Variants in IQCF5 observed in about 807,000 individuals in gnomAD.
The protein encoded by IQCF5 is IQ domain-containing protein F5.
IQCF5 carries 2 observed loss-of-function variants against 3.4 expected under a neutral mutation model. The observed-to-expected ratio is 0.58, with a 90% confidence interval of 0.24 to 1.84. IQCF5 has a LOEUF of 1.84. Ranked by LOEUF, IQCF5 falls within the 40% of genes most tolerant of loss-of-function variation. IQCF5 has a pLI of 0.17. For missense variants in IQCF5, 167 were observed against 191.6 expected (o/e 0.87, Z 0.76); for synonymous variants, 58 against 64.7 (o/e 0.90, Z 0.49).
intron 1 of IQCF5, 52 bp from the exon 2 acceptor site, chr3:51,874,227 C>A: frequency 6.7e-7 from 1 of 1,503,276 alleles, no homozygotes; most frequent in East Asian, 2.5e-5. Flanking sequence ...GGGCCCTGAT[C>A]CTCTATCAAT....
intron 1 of IQCF5, chr3:51,874,817 C>G (rs1020766237): frequency 5.0e-6 from 1 of 198,082 alleles, no homozygotes; most frequent in African/African-American, 2.3e-5. Context: ...CTCCTGGCCA[C>G]AGTCTCCACT....
chr3:51,875,465 T>C, intron 1 of IQCF5, 63 bp downstream of exon 1: 2 of 1,543,656 alleles, frequency 1.3e-6, no homozygotes, highest in Non-Finnish European at 1.8e-6. Context: ...GACTGCCTCT[T>C]ACAAAACATC....
chr3:51,874,527 C>G (rs1377706897), intron 1 of IQCF5: 5 of 461,482 alleles, frequency 1.1e-5, no homozygotes, highest in Admixed American at 9.7e-5. Flanking sequence ...GCCCTCCCAT[C>G]CGCTGAAGAA....
rs1484951021 is a variant in IQCF5 at position 51,875,535 on chromosome 3, TA to T, written c.-5del. The T allele has an allele frequency of 3.9e-6, 6 of 1,552,026 alleles. No homozygotes were observed. The highest frequency in any genetic ancestry group is 5.2e-6 in the Non-Finnish European group (6 of 1,147,110). On this transcript the variant is annotated 5_prime_UTR_variant, in exon 1 of 2. The change abolishes the stop of an existing upstream ORF in the 5' untranslated region. Transcript: ENST00000446461. Reference sequence around the variant, plus strand: ...TGGACTTTACTAAATTACCCATGGTTAGGGGCTAGATGGTCCCATCACCCTC... The same window carrying T: ...TGGACTTTACTAAATTACCCATGGTTGGGGCTAGATGGTCCCATCACCCTC...
Position 51,873,880 on chromosome 3 carries a change from A to G in IQCF5, c.300T>C (p.Tyr100=), listed in dbSNP as rs1450788318. 3 of 1,551,782 alleles carry G rather than the reference A, an allele frequency of 1.9e-6. No individual in the cohort carries two copies. The highest frequency in any genetic ancestry group is 2.4e-5 in the South Asian group (2 of 84,066). The part of the protein sequence containing the change: ...LLNAVRIIQV[Y]WRWHSCHSRV... ...GGGAATGGCAGCTGTGCCAGCGCCA[A>G]TAGACCTGGATGATGCGGACAGCGT... Residue 100 remains tyrosine (Y), a synonymous_variant, in exon 2 of 2, where the codon TAT becomes TAC. Transcript: ENST00000446461.
chr3:51,874,316 G>T, intron 1 of IQCF5, 141 bp from the exon 2 acceptor site: 1 of 817,862 alleles, frequency 1.2e-6, no homozygotes, highest in Non-Finnish European at 2.0e-6. Context: ...TCCCCCCTCT[G>T]CCACCCACAG....
At chr3:51,874,293 G>T (rs1474956050) in intron 1 of IQCF5, 118 bp from the exon 2 acceptor site, 2 of 1,008,064 alleles carry the variant, frequency 2.0e-6, no homozygotes, top group East Asian at 2.6e-5. Context: ...GAACCCAGGA[G>T]ACCAGGTAGG....
chr3:51,874,775 T>C (rs1031576089), intron 1 of IQCF5: 6 of 262,880 alleles, frequency 2.3e-5, no homozygotes, highest in Non-Finnish European at 4.5e-5. Context: ...CCCCCAGCCC[T>C]ATATGGTCCG....
chr3:51,874,324 C>T (rs1460458917), intron 1 of IQCF5, 149 bp from the exon 2 acceptor site: 2 of 783,410 alleles, frequency 2.6e-6, no homozygotes, highest in Non-Finnish European at 2.2e-6. Context: ...CTGCCACCCA[C>T]AGGTTAGTGG....
Position 51,874,075 on chromosome 3 carries a change from G to A in IQCF5, c.105C>T (p.Ala35=), listed in dbSNP as rs1698769296. The A allele has an allele frequency of 6.4e-7, 1 of 1,553,272 alleles. No homozygotes were observed. Among genetic ancestry groups the A allele is most frequent in the South Asian group, 1.2e-5 (1 of 84,140 alleles). Residue 35 remains alanine (A), a synonymous_variant, in exon 2 of 2, where the codon GCC becomes GCT. Coordinates refer to ENST00000446461, the MANE Select transcript of IQCF5 (RefSeq NM_001145059.2). The part of the protein sequence containing the change: ...MLVRRTLLHA[A]LRAWIIQCWW... ...AGCACTGAATGATCCAAGCCCTGAG[G>A]GCTGCATGCAGCAGTGTGCGTCGCA...
chr3:51,875,486 CA>C (rs780742676), intron 1 of IQCF5, 41 bp downstream of exon 1: 40 of 1,551,086 alleles, frequency 2.6e-5, no homozygotes, highest in Non-Finnish European at 3.3e-5. Flanking sequence ...TGACTGGGGA[CA>C]GGTCGTAAAA....
In IQCF5 at chr3:51,873,869, T is replaced by G; in HGVS notation, c.311A>C (p.His104Pro). 1 of 1,551,770 alleles carries G rather than the reference T, an allele frequency of 6.4e-7. No individual in the cohort carries two copies. Among genetic ancestry groups the G allele is most frequent in the Non-Finnish European group, 8.7e-7 (1 of 1,147,004 alleles). Residue 104 changes from histidine to proline, a missense_variant, in exon 2 of 2, where the codon CAC becomes CCC. Coordinates refer to ENST00000446461, the MANE Select transcript of IQCF5 (RefSeq NM_001145059.2). Reference sequence around the variant, plus strand: ...AATAAAGACACGGGAATGGCAGCTGTGCCAGCGCCAATAGACCTGGATGAT... The same window carrying G: ...AATAAAGACACGGGAATGGCAGCTGGGCCAGCGCCAATAGACCTGGATGAT... ...VRIIQVYWRW[H>P]SCHSRVFIEG...
rs777923125 is a variant in IQCF5, at chr3:51,874,000, C to G, written c.180G>C (p.Val60=). The G allele has an allele frequency of 3.9e-5, 60 of 1,552,268 alleles. 1 individual carries two copies. The South Asian group carries it at 6.1e-4, about 16-fold the overall frequency. Residue 60 remains valine, a synonymous_variant, in exon 2 of 2, where the codon GTG becomes GTC. Coordinates refer to ENST00000446461, the MANE Select transcript of IQCF5 (RefSeq NM_001145059.2). ...ATTCCTGCTGCACATAGAACTCCAA[C>G]ACCATCCTCCGCCTCTTTGCCAGCA... ...EKLLAKRRRM[V]LEFYVQQEWA...
Position 51,873,727 on chromosome 3 carries a change from A to T in IQCF5, c.*6T>A. ...AGAGCTGGGGACACAGATATAGCAG[A>T]CCTGGTCATTCTTTTAATGGAAGGG... On this transcript the variant is annotated 3_prime_UTR_variant, in exon 2 of 2. Coordinates refer to ENST00000446461, the MANE Select transcript of IQCF5 (RefSeq NM_001145059.2). 1 of 1,542,460 alleles carries T rather than the reference A, an allele frequency of 6.5e-7. No individual in the cohort carries two copies. The highest frequency in any genetic ancestry group is 8.8e-7 in the Non-Finnish European group (1 of 1,139,284).
In IQCF5 at chr3:51,874,830, G is replaced by A. The variant is rs531544882; in HGVS notation, c.5-655C>T. On this transcript the variant is annotated intron_variant, in intron 1 of 1. Transcript: ENST00000446461. The stretch of plus-strand genomic sequence containing the variant: ...CACTCCTGGCCACAGTCTCCACTCC[G>A]TATCTCAGCCAGACTCACATCTCTC... The A allele has an allele frequency of 3.2e-5, 6 of 188,490 alleles. No homozygotes were observed. In the South Asian group the frequency reaches 7.0e-4, roughly 22 times the overall value. The allele number at this position is 188,490 out of a possible 1,614,324, so 11.7% of individuals were successfully genotyped here.
intron 1 of IQCF5, chr3:51,875,124 T>TGGG (rs1185799030): frequency 4.2e-6 from 1 of 240,870 alleles, no homozygotes; most frequent in African/African-American, 2.2e-5. Flanking sequence ...TGGGTAAGGG[T>TGGG]GTGGCCTGGT....
At position 51,873,968 on chromosome 3, in the gene IQCF5, G is replaced by C. The variant is rs963315419; in HGVS notation, c.212C>G (p.Ala71Gly). 1 of 1,552,086 alleles carries C rather than the reference G, an allele frequency of 6.4e-7. No individual in the cohort carries two copies. The change falls in exon 2 of 2, where the codon GCA (alanine) becomes GGA (glycine). Residue 71 changes from alanine (A) to glycine (G), a missense_variant. Coordinates refer to ENST00000446461, the MANE Select transcript of IQCF5 (RefSeq NM_001145059.2). ...GCGGACCCAGGACTGCAGCCTGACT[G>C]CTGCCCATTCCTGCTGCACATAGAA... ...LEFYVQQEWAAVRLQSWVRMW... is the reference protein window; with the variant it reads ...LEFYVQQEWAGVRLQSWVRMW...
At chr3:51,874,778 A>C in intron 1 of IQCF5, 1 of 249,754 alleles carries the variant, frequency 4.0e-6, no homozygotes, top group Non-Finnish European at 8.0e-6. Flanking sequence ...CCAGCCCTAT[A>C]TGGTCCGGGA....
At chr3:51,874,599 T>C (rs1698777194) in intron 1 of IQCF5, 1 of 376,756 alleles carries the variant, frequency 2.7e-6, no homozygotes, top group African/African-American at 2.1e-5. Context: ...CACAAGCTGC[T>C]GTGTTCCTTC....
Sources: gnomAD v4.1 joint callset for allele counts on GRCh38, gnomAD v4.1.1 for gene constraint, MANE v1.5 for transcripts, NCBI Gene and HGNC (gene_info 2026-07-23, HGNC 2026-07-21) for gene names.